NAV2: variants seen among roughly 807,000 people sequenced by gnomAD.
NAV2 encodes the protein helicase, APC down-regulated 1.
In NAV2, 54 loss-of-function variants were observed where a neutral mutation model predicts 223.2. That is an observed-to-expected ratio of 0.24 (90% CI 0.19 to 0.30). NAV2 has a LOEUF of 0.30. NAV2 is among the 10% of genes least tolerant of loss of function. The probability of loss-of-function intolerance (pLI) is 1.00; values close to 1 mark genes in which losing one functional copy is unlikely to be tolerated. For synonymous variants in NAV2, 1,279 were observed against 1,239.3 expected (o/e 1.03, Z -0.67); for missense variants, 2,806 against 3,147.5 (o/e 0.89, Z 2.60).
At chr11:20,049,238 T>G in intron 15 of NAV2, 43 bp downstream of exon 15, 1 of 1,375,004 alleles carries the variant, frequency 7.3e-7, no homozygotes, top group Non-Finnish European at 1.0e-6. Context: ...AAAGACACCC[T>G]TCCAAAAATA....
At chr11:19,870,766 G>A (rs1295934008) in intron 4 of NAV2, among the ~76,000 whole-genome samples, 1 of 152,206 alleles carries the variant, frequency 6.6e-6, no homozygotes, top group Non-Finnish European at 1.5e-5. Context: ...GTTTAAAGAG[G>A]TTATGAGCGG....
intron 36 of NAV2, among the ~76,000 whole-genome samples, chr11:20,110,064 G>A (rs372620233): frequency 3.9e-5 from 6 of 152,338 alleles, no homozygotes; most frequent in Non-Finnish European, 7.3e-5. Flanking sequence ...ATCATTGGGC[G>A]TCCTTCCCAC....
rs527638188 is a variant in NAV2, at chr11:19,927,798, GAGT to G, written c.932-5376_932-5374del. ...TATCAGAGTTTATTATACATAATAA[GAGT>G]ATATCTTGATATTTTTCAGTTTAAC... On this transcript the variant is annotated intron_variant, in intron 6 of 37. Transcript: ENST00000349880. Among the ~76,000 whole-genome samples, 681 of 152,344 alleles carry G rather than the reference GAGT, an allele frequency of 4.5e-3. 5 individuals are homozygous for G. Among genetic ancestry groups the G allele is most frequent in the Non-Finnish European group, 7.5e-3 (513 of 68,026 alleles).
intron 3 of NAV2, among the ~76,000 whole-genome samples, chr11:19,857,928 C>T (rs188807097): frequency 1.3e-5 from 2 of 152,308 alleles, no homozygotes; most frequent in Admixed American, 1.3e-4. Flanking sequence ...ATGATCTTGG[C>T]TCACTGCAAG....
chr11:19,565,704 C>G (rs977405397), intron 1 of NAV2, among the ~76,000 whole-genome samples: 1 of 152,202 alleles, frequency 6.6e-6, no homozygotes, highest in African/African-American at 2.4e-5. Context: ...AGCCCACTCC[C>G]TGCTTTGAAT....
intron 29 of NAV2, among the ~76,000 whole-genome samples, chr11:20,094,733 A>T (rs2165724): frequency 0.16 from 23,929 of 152,060 alleles, 2,843 homozygotes; most frequent in African/African-American, 0.33. Flanking sequence ...GAAACCCGAG[A>T]CCCCAAACAT....
intron 1 of NAV2, among the ~76,000 whole-genome samples, chr11:19,445,514 C>T (rs1851551539): frequency 6.6e-6 from 1 of 152,162 alleles, no homozygotes; most frequent in South Asian, 2.1e-4. Flanking sequence ...ATACAAGGTA[C>T]TTGATGGAAT....
intron 12 of NAV2, among the ~76,000 whole-genome samples, chr11:20,041,472 T>C (rs1370298146): frequency 6.6e-6 from 1 of 152,260 alleles, no homozygotes; most frequent in Admixed American, 6.5e-5. Flanking sequence ...GTAGTTGTTA[T>C]GCTACTAGTA....
At chr11:19,842,517 G>A (rs774225730) in intron 2 of NAV2, among the ~76,000 whole-genome samples, 3 of 152,128 alleles carry the variant, frequency 2.0e-5, no homozygotes, top group South Asian at 2.1e-4. Flanking sequence ...GAACTATTCC[G>A]TCTTTTGTGA....
Position 20,095,787 on chromosome 11 carries a change from G to T in NAV2, c.6012+20G>T. 1 of 1,580,028 alleles carries T rather than the reference G, an allele frequency of 6.3e-7. No individual in the cohort carries two copies. Among genetic ancestry groups the T allele is most frequent in the Non-Finnish European group, 8.7e-7 (1 of 1,148,954 alleles). ...TTCAAAGTAAGTGTTTCAAGACAAC[G>T]GCTACAGCATACTACCTAACATGGG... On this transcript the variant is annotated intron_variant, in intron 30 of 37. Coordinates refer to ENST00000349880, the MANE Select transcript of NAV2 (RefSeq NM_145117.5).
At chr11:19,665,450 C>T (rs940742830) in intron 1 of NAV2, among the ~76,000 whole-genome samples, 1 of 152,162 alleles carries the variant, frequency 6.6e-6, no homozygotes, top group African/African-American at 2.4e-5. Flanking sequence ...CTCTCCTCCT[C>T]CCCATGGCAG....
chr11:19,964,330 C>T (rs116845908), intron 10 of NAV2, among the ~76,000 whole-genome samples: 1,824 of 152,264 alleles, frequency 0.012, 14 homozygotes, highest in Non-Finnish European at 0.018. Context: ...GCCCTGTAGC[C>T]AGGCCCTCAG....
intron 6 of NAV2, among the ~76,000 whole-genome samples, chr11:19,905,706 GACTTTTC>G (rs1290634502): frequency 6.6e-6 from 1 of 152,120 alleles, no homozygotes; most frequent in African/African-American, 2.4e-5. Flanking sequence ...GAGGGAGAGG[GACTTTTC>G]CATATAGGAC....
At chr11:19,848,356 G>A (rs2060920568) in intron 3 of NAV2, among the ~76,000 whole-genome samples, 2 of 152,234 alleles carry the variant, frequency 1.3e-5, no homozygotes, top group Non-Finnish European at 2.9e-5. Context: ...CCTTGCAGGA[G>A]GCCAGCACCT....
intron 1 of NAV2, among the ~76,000 whole-genome samples, chr11:19,652,688 C>T (rs2048004244): frequency 6.6e-6 from 1 of 152,188 alleles, no homozygotes; most frequent in African/African-American, 2.4e-5. Flanking sequence ...GTCTGCTTCC[C>T]CACTGCCCAG....
intron 11 of NAV2, among the ~76,000 whole-genome samples, chr11:19,992,949 T>G (rs2051487005): frequency 6.6e-6 from 1 of 152,174 alleles, no homozygotes; most frequent in South Asian, 2.1e-4. Context: ...GGTGATTGTT[T>G]AAACTTAATC....
chr11:19,564,716 C>G (rs1264658013), intron 1 of NAV2, among the ~76,000 whole-genome samples: 4 of 152,200 alleles, frequency 2.6e-5, no homozygotes, highest in Admixed American at 2.6e-4. Context: ...CGCTTGAGTG[C>G]CCACCGTGTG....
At chr11:19,431,009 C>T (rs566010200) in intron 1 of NAV2, among the ~76,000 whole-genome samples, 1 of 152,328 alleles carries the variant, frequency 6.6e-6, no homozygotes, top group East Asian at 1.9e-4. Flanking sequence ...GAAAAAAACT[C>T]CCTTCATGGC....
At chr11:19,618,404 G>GAATGAATA (rs1253231516) in intron 1 of NAV2, among the ~76,000 whole-genome samples, 576 of 37,020 alleles carry the variant, frequency 0.016, 11 homozygotes, top group Middle Eastern at 0.02. Context: ...ATGAATAGAT[G>GAATGAATA]GATGGATGGA....
Sources: gnomAD v4.1 joint callset for allele counts (sites outside exome capture counted in the v4.1 genomes callset) on GRCh38, gnomAD v4.1.1 for gene constraint, MANE v1.5 for transcripts, NCBI Gene and HGNC (gene_info 2026-07-23, HGNC 2026-07-21) for gene names.